The following LPP variants were observed in gnomAD, a reference collection of about 807,000 sequenced individuals.
The protein encoded by LPP is lipoma-preferred partner.
In LPP, 38 loss-of-function variants were observed where a neutral mutation model predicts 60.4. The observed-to-expected ratio is 0.63, with a 90% confidence interval of 0.49 to 0.83. The LOEUF (loss-of-function observed/expected upper bound fraction) is 0.83. LPP is among the 40% of genes least tolerant of loss of function. The pLI is 0.00. For missense variants in LPP, 902 were observed against 783.6 expected (o/e 1.15, Z -1.80); for synonymous variants, 328 against 290.8 (o/e 1.13, Z -1.30).
intron 8 of LPP, among the ~76,000 whole-genome samples, chr3:188,713,439 A>C (rs1047234410): frequency 2.0e-5 from 3 of 152,110 alleles, no homozygotes; most frequent in Non-Finnish European, 4.4e-5. Context: ...AGAAATTTGA[A>C]TATCAATGAT....
In LPP at chr3:188,874,271, G is replaced by A. The variant is rs1768955066; in HGVS notation, c.1711-80G>A. The stretch of plus-strand genomic sequence containing the variant: ...GGCCACATTATGGAGGCCTTGAATA[G>A]AAAGCTCAATCATGATGTTCTCCAC... On this transcript the variant is annotated intron_variant, in intron 11 of 11. Coordinates refer to ENST00000617246, the MANE Select transcript of LPP (RefSeq NM_001375462.1). The A allele has an allele frequency of 2.1e-6, 3 of 1,420,442 alleles. No homozygotes were observed. In the Admixed American group the frequency reaches 6.0e-5, roughly 29 times the overall value. 88.0% of individuals were successfully genotyped at this position (1,420,442 alleles called of 1,614,324 possible).
At chr3:188,305,594 C>T (rs537235929) in intron 2 of LPP, among the ~76,000 whole-genome samples, 1 of 152,240 alleles carries the variant, frequency 6.6e-6, no homozygotes, top group Non-Finnish European at 1.5e-5. Flanking sequence ...AACACACACA[C>T]AAACACACAG....
rs531788868 is a variant in LPP at position 188,885,365 on chromosome 3, G to A, written c.*10886G>A. The A allele has an allele frequency of 2.6e-5, 5 of 194,766 alleles. No individual in the cohort carries two copies. Among genetic ancestry groups the A allele is most frequent in the Admixed American group, 6.1e-5 (1 of 16,390 alleles). 12.1% of individuals were successfully genotyped at this position (194,766 alleles called of 1,614,324 possible). A position where few individuals can be genotyped will look rare whatever the true frequency, so the allele number is the denominator to read the frequency against. On this transcript the variant is annotated 3_prime_UTR_variant, in exon 12 of 12. Transcript: ENST00000617246. ...ATTCCTTGGGACTAATGAGAGCCAA[G>A]TTAAATAGCAAATGACTTCTCACCC...
intron 7 of LPP, among the ~76,000 whole-genome samples, chr3:188,619,050 G>C (rs751795459): frequency 8.5e-5 from 13 of 152,106 alleles, no homozygotes; most frequent in Admixed American, 3.3e-4. Flanking sequence ...TTGAGACAGA[G>C]TGTCACTCTT....
chr3:188,344,648 T>A (rs1328252009), intron 3 of LPP, among the ~76,000 whole-genome samples: 1 of 152,236 alleles, frequency 6.6e-6, no homozygotes, highest in African/African-American at 2.4e-5. Flanking sequence ...GTCCTATGAC[T>A]CTACTGCACA....
chr3:188,731,531 G>GTTTTGTTTTGTT (rs757819099), intron 8 of LPP, among the ~76,000 whole-genome samples: 1 of 151,566 alleles, frequency 6.6e-6, no homozygotes, highest in African/African-American at 2.4e-5. Context: ...GTTTTGTTTT[G>GTTTTGTTTTGTT]TTTTGTTTTG....
chr3:188,341,634 T>C, intron 2 of LPP, 29 bp from the exon 3 acceptor site: 1 of 938,724 alleles, frequency 1.1e-6, no homozygotes, highest in Non-Finnish European at 1.3e-6. Context: ...CTGGAAGTAA[T>C]TTTTACTTAT....
chr3:188,707,223 T>C (rs1865656623), intron 7 of LPP, among the ~76,000 whole-genome samples: 1 of 152,068 alleles, frequency 6.6e-6, no homozygotes, highest in Non-Finnish European at 1.5e-5. Flanking sequence ...ATGGGTTCTA[T>C]AGTGGTGAAT....
intron 4 of LPP, among the ~76,000 whole-genome samples, chr3:188,449,076 T>C (rs1359913963): frequency 6.6e-6 from 1 of 152,208 alleles, no homozygotes; most frequent in African/African-American, 2.4e-5. Flanking sequence ...CAAAAGACGT[T>C]GGAAGCAACA....
At chr3:188,738,331 A>G (rs147845765) in intron 8 of LPP, among the ~76,000 whole-genome samples, 42 of 152,268 alleles carry the variant, frequency 2.8e-4, no homozygotes, top group Admixed American at 3.3e-4. Flanking sequence ...GTTGCCTTGT[A>G]TAATTTCCTC....
At chr3:188,173,077 C>G (rs1479545157) in intron 1 of LPP, among the ~76,000 whole-genome samples, 1 of 152,196 alleles carries the variant, frequency 6.6e-6, no homozygotes, top group African/African-American at 2.4e-5. Context: ...CTGTGTTGCC[C>G]AGGCTGGTTT....
At chr3:188,251,723 G>A (rs908697414) in intron 2 of LPP, among the ~76,000 whole-genome samples, 7 of 151,922 alleles carry the variant, frequency 4.6e-5, no homozygotes, top group East Asian at 3.9e-4. Flanking sequence ...ATTGTCAAAC[G>A]CTCTTCAGGG....
At chr3:188,657,282 T>TATATATATATATATATATATATG (rs1553782770) in intron 7 of LPP, among the ~76,000 whole-genome samples, 1 of 22,808 alleles carries the variant, frequency 4.4e-5, no homozygotes, top group African/African-American at 1.3e-4. Context: ...ATATATATAT[T>TATATATATATATATATATATATG]TCCAAAAGCA....
intron 4 of LPP, among the ~76,000 whole-genome samples, chr3:188,418,146 C>G (rs1056720380): frequency 6.6e-6 from 1 of 152,036 alleles, no homozygotes; most frequent in Non-Finnish European, 1.5e-5. Context: ...ATTATGGTTC[C>G]TAAAGACAAA....
chr3:188,730,995 C>G (rs907733146), intron 8 of LPP, among the ~76,000 whole-genome samples: 1 of 152,148 alleles, frequency 6.6e-6, no homozygotes, highest in African/African-American at 2.4e-5. Context: ...TAGATATGAC[C>G]CACCTGAATA....
At chr3:188,346,828 C>A (rs912817611) in intron 3 of LPP, among the ~76,000 whole-genome samples, 2 of 152,078 alleles carry the variant, frequency 1.3e-5, no homozygotes, top group African/African-American at 4.8e-5. Flanking sequence ...CATACATTTC[C>A]TTTTGCTGTT....
At chr3:188,486,454 G>A (rs1806549261) in intron 5 of LPP, among the ~76,000 whole-genome samples, 1 of 152,178 alleles carries the variant, frequency 6.6e-6, no homozygotes, top group Non-Finnish European at 1.5e-5. Context: ...GGGGAAACAG[G>A]GAGGGGGTCA....
intron 8 of LPP, among the ~76,000 whole-genome samples, chr3:188,735,678 C>A (rs1722255007): frequency 6.6e-6 from 1 of 152,148 alleles, no homozygotes; most frequent in Admixed American, 6.5e-5. Context: ...GCCACTGTGC[C>A]TGGCCTGTAA....
intron 7 of LPP, among the ~76,000 whole-genome samples, chr3:188,615,393 G>A (rs954692944): frequency 6.6e-6 from 1 of 152,114 alleles, no homozygotes; most frequent in African/African-American, 2.4e-5. Flanking sequence ...CTTCCTAAAA[G>A]CTAGTTGTGT....
Sources: allele counts gnomAD v4.1 joint callset (sites outside exome capture counted in the v4.1 genomes callset), GRCh38; gene constraint gnomAD v4.1.1; transcripts MANE v1.5; gene names NCBI Gene and HGNC (gene_info 2026-07-23, HGNC 2026-07-21).